GRM8: variants seen among roughly 807,000 people sequenced by gnomAD.
GRM8 encodes the protein metabotropic glutamate receptor 8.
A neutral mutation model predicts 87.2 loss-of-function variants in GRM8; 47 were observed. That is an observed-to-expected ratio of 0.54 (90% CI 0.43 to 0.69). The LOEUF is 0.69. GRM8 is among the 30% of genes least tolerant of loss of function. GRM8 has a pLI of 0.00. For synonymous variants in GRM8, 396 were observed against 404.5 expected (o/e 0.98, Z 0.25); for missense variants, 1,019 against 1,139.2 (o/e 0.89, Z 1.52).
chr7:126,918,490 G>C (rs1804168581), intron 3 of GRM8, among the ~76,000 whole-genome samples: 1 of 152,082 alleles, frequency 6.6e-6, no homozygotes. Context: ...AAAAAATTAA[G>C]TTAGCCATTA....
chr7:126,631,159 C>A (rs1004733905), intron 7 of GRM8, among the ~76,000 whole-genome samples: 1 of 152,108 alleles, frequency 6.6e-6, no homozygotes, highest in Non-Finnish European at 1.5e-5. Flanking sequence ...CTAAAAGATT[C>A]TTATGTTGAT....
chr7:127,044,776 AC>A (rs1818771933), intron 3 of GRM8, among the ~76,000 whole-genome samples: 1 of 152,226 alleles, frequency 6.6e-6, no homozygotes, highest in African/African-American at 2.4e-5. Context: ...ACATACACTG[AC>A]CACTTCCAGT....
At chr7:126,881,844 A>G (rs1460788043) in intron 6 of GRM8, among the ~76,000 whole-genome samples, 1 of 152,232 alleles carries the variant, frequency 6.6e-6, no homozygotes, top group East Asian at 1.9e-4. Flanking sequence ...TGCTAAATGA[A>G]TTGTAACTAC....
chr7:126,496,660 C>A (rs1490245783), intron 9 of GRM8, among the ~76,000 whole-genome samples: 1 of 151,924 alleles, frequency 6.6e-6, no homozygotes, highest in Non-Finnish European at 1.5e-5. Flanking sequence ...GTAAAATCAT[C>A]CAGAGGTCAG....
At chr7:126,831,148 T>C (rs1446175383) in intron 6 of GRM8, among the ~76,000 whole-genome samples, 2 of 152,082 alleles carry the variant, frequency 1.3e-5, no homozygotes, top group Non-Finnish European at 2.9e-5. Flanking sequence ...TGCTTGGGGG[T>C]CAGGGGTCAG....
intron 7 of GRM8, among the ~76,000 whole-genome samples, chr7:126,640,065 A>G (rs146655546): frequency 0.011 from 1,618 of 152,370 alleles, 24 homozygotes; most frequent in African/African-American, 0.037. Context: ...AGACCATAAT[A>G]GGGCAATCGA....
chr7:126,528,722 G>A (rs901977936), intron 9 of GRM8, among the ~76,000 whole-genome samples: 6 of 151,860 alleles, frequency 4.0e-5, no homozygotes, highest in South Asian at 2.1e-4. Flanking sequence ...TCTCTAGTTC[G>A]AGAACAGGGC....
chr7:126,804,378 T>C (rs1167514135), intron 6 of GRM8, among the ~76,000 whole-genome samples: 1 of 152,230 alleles, frequency 6.6e-6, no homozygotes, highest in African/African-American at 2.4e-5. Context: ...CCCCTCCAAC[T>C]CTATCCCGCT....
chr7:127,012,461 A>G (rs1312765028), intron 3 of GRM8, among the ~76,000 whole-genome samples: 1 of 152,260 alleles, frequency 6.6e-6, no homozygotes, highest in South Asian at 2.1e-4. Flanking sequence ...TAAAAGTATA[A>G]ATATTTTAAT....
intron 2 of GRM8, among the ~76,000 whole-genome samples, chr7:127,210,377 A>G (rs1489350582): frequency 6.6e-6 from 1 of 152,204 alleles, no homozygotes; most frequent in Non-Finnish European, 1.5e-5. Context: ...TGAGCTGGGC[A>G]TTGGCTAAAA....
At chr7:126,945,401 C>A (rs1807427559) in intron 3 of GRM8, among the ~76,000 whole-genome samples, 1 of 152,126 alleles carries the variant, frequency 6.6e-6, no homozygotes, top group Admixed American at 6.5e-5. Flanking sequence ...CATCCCTAAT[C>A]TGAAAGTTTG....
chr7:127,249,344 G>A (rs779078396), intron 1 of GRM8, among the ~76,000 whole-genome samples: 2 of 152,156 alleles, frequency 1.3e-5, no homozygotes, highest in South Asian at 4.1e-4. Flanking sequence ...AGGTATCAAA[G>A]CCTGAAGATG....
chr7:127,002,534 A>T (rs1206964148), intron 3 of GRM8, among the ~76,000 whole-genome samples: 1 of 151,672 alleles, frequency 6.6e-6, no homozygotes, highest in East Asian at 1.9e-4. Flanking sequence ...GGCAGTGGGT[A>T]CTTGAGACAG....
chr7:127,132,379 T>G (rs1827735594), intron 2 of GRM8, among the ~76,000 whole-genome samples: 1 of 152,232 alleles, frequency 6.6e-6, no homozygotes, highest in African/African-American at 2.4e-5. Context: ...TAATTATTTC[T>G]TCTCCTTTTC....
intron 3 of GRM8, among the ~76,000 whole-genome samples, chr7:127,008,648 T>G (rs1814562238): frequency 6.6e-6 from 1 of 152,110 alleles, no homozygotes. Flanking sequence ...CATTTCTGCT[T>G]GATTTAATTT....
chr7:127,246,998 G>A (rs1157070591), intron 1 of GRM8, among the ~76,000 whole-genome samples: 1 of 152,202 alleles, frequency 6.6e-6, no homozygotes, highest in Non-Finnish European at 1.5e-5. Flanking sequence ...CCCCAGTGCT[G>A]CAGGGACTCA....
chr7:127,160,286 C>A (rs928091559), intron 2 of GRM8, among the ~76,000 whole-genome samples: 1 of 152,048 alleles, frequency 6.6e-6, no homozygotes, highest in Admixed American at 6.6e-5. Flanking sequence ...AACCTGCCAA[C>A]GGGACTTGCA....
At chr7:126,726,870 A>T (rs1260138897) in intron 7 of GRM8, among the ~76,000 whole-genome samples, 1 of 152,130 alleles carries the variant, frequency 6.6e-6, no homozygotes, top group Non-Finnish European at 1.5e-5. Context: ...GCTCCAAGAA[A>T]AAAAAACCAT....
intron 9 of GRM8, among the ~76,000 whole-genome samples, chr7:126,497,702 A>C (rs1158452728): frequency 6.6e-6 from 1 of 151,964 alleles, no homozygotes; most frequent in African/African-American, 2.4e-5. Context: ...CTTTCTGTAA[A>C]TGGTAAATGT....
Sources: gnomAD v4.1 joint callset for allele counts (sites outside exome capture counted in the v4.1 genomes callset) on GRCh38, gnomAD v4.1.1 for gene constraint, MANE v1.5 for transcripts, NCBI Gene and HGNC (gene_info 2026-07-23, HGNC 2026-07-21) for gene names.